Variants in ADARB2 observed in about 807,000 individuals in gnomAD.
ADARB2 encodes the protein adenosine deaminase RNA specific B2 (inactive).
Under a neutral mutation model 62.2 loss-of-function variants are expected in ADARB2, and 25 were observed. That is an observed-to-expected ratio of 0.40 (90% CI 0.29 to 0.56). ADARB2 has a LOEUF of 0.56. Among genes scored for constraint, ADARB2 ranks in the 20% least tolerant of loss-of-function variants. The pLI, the probability that ADARB2 is intolerant of heterozygous loss-of-function variation, is 0.43. For synonymous variants in ADARB2, 572 were observed against 500.8 expected (o/e 1.14, Z -1.90); for missense variants, 1,071 against 1,077.4 (o/e 0.99, Z 0.08).
intron 1 of ADARB2, among the ~76,000 whole-genome samples, chr10:1,474,487 C>T (rs946649270): frequency 1.6e-4 from 25 of 152,284 alleles, no homozygotes; most frequent in African/African-American, 6.0e-4. Context: ...GGGGATGCAT[C>T]CCAGGAGGCT....
chr10:1,261,913 C>G (rs1361962032), intron 4 of ADARB2, among the ~76,000 whole-genome samples: 1 of 148,630 alleles, frequency 6.7e-6, no homozygotes, highest in Non-Finnish European at 1.5e-5. Flanking sequence ...CAATGATAGA[C>G]TGGATTAAGA....
chr10:1,427,001 A>G (rs759303299), intron 1 of ADARB2, among the ~76,000 whole-genome samples: 3 of 152,246 alleles, frequency 2.0e-5, no homozygotes, highest in Non-Finnish European at 2.9e-5. Context: ...CACTGCAGGC[A>G]CGTGTGTACT....
chr10:1,313,697 C>T (rs1207479549), intron 3 of ADARB2, among the ~76,000 whole-genome samples: 1 of 152,150 alleles, frequency 6.6e-6, no homozygotes, highest in Non-Finnish European at 1.5e-5. Context: ...ACGACAGTGG[C>T]CCCACACACC....
chr10:1,673,303 GATTTC>G (rs1834415985), intron 1 of ADARB2, among the ~76,000 whole-genome samples: 2 of 124,336 alleles, frequency 1.6e-5, no homozygotes, highest in Non-Finnish European at 1.7e-5. Context: ...GTGATTTGTA[GATTTC>G]ATTTTATGTG....
intron 1 of ADARB2, among the ~76,000 whole-genome samples, chr10:1,444,394 T>C (rs1394788698): frequency 1.3e-5 from 2 of 148,222 alleles, no homozygotes; most frequent in African/African-American, 5.0e-5. Context: ...TCCATCTATC[T>C]ACATCCATCC....
At position 1,449,120 on chromosome 10, in the gene ADARB2, G is replaced by C. The variant is rs1293223202; in HGVS notation, c.101-69960C>G. ...CCATCCTCGGTCTTTCCATGAGTCT[G>C]GATGAGACCAGGTCCCCCTCACCCG... On this transcript the variant is annotated intron_variant, in intron 1 of 9. Coordinates refer to ENST00000381312, the MANE Select transcript of ADARB2 (RefSeq NM_018702.4). 1.2e-4 allele frequency among the ~76,000 whole-genome samples: 18 copies of C among 152,298 alleles called. No homozygotes were observed. The East Asian group carries it at 3.3e-3, about 28-fold the overall frequency.
chr10:1,612,190 G>C (rs557052220), intron 1 of ADARB2, among the ~76,000 whole-genome samples: 33 of 152,204 alleles, frequency 2.2e-4, no homozygotes, highest in Non-Finnish European at 4.6e-4. Flanking sequence ...AAGAGGCTGG[G>C]GTCCTCGTCT....
intron 1 of ADARB2, among the ~76,000 whole-genome samples, chr10:1,479,502 T>C (rs1053308508): frequency 6.6e-6 from 1 of 152,128 alleles, no homozygotes; most frequent in Non-Finnish European, 1.5e-5. Context: ...TCTCACAGCC[T>C]AGCTTTTGAT....
chr10:1,487,088 G>T (rs983886587), intron 1 of ADARB2, among the ~76,000 whole-genome samples: 1 of 152,248 alleles, frequency 6.6e-6, no homozygotes. Flanking sequence ...AGCTGCACGC[G>T]TGGGTGCCGT....
At chr10:1,515,323 T>C (rs1297997697) in intron 1 of ADARB2, among the ~76,000 whole-genome samples, 1 of 152,192 alleles carries the variant, frequency 6.6e-6, no homozygotes, top group African/African-American at 2.4e-5. Context: ...GCTGGTGCAC[T>C]GGGCCCTGAC....
In ADARB2 at chr10:1,640,564, A is replaced by T. The variant is rs1422725412; in HGVS notation, c.100+96487T>A. On this transcript the variant is annotated intron_variant, in intron 1 of 9. Coordinates refer to ENST00000381312, the MANE Select transcript of ADARB2 (RefSeq NM_018702.4). Reference sequence around the variant, plus strand: ...GGCGGATGCTCTAAACTAAACCCACAAGTTAAGCTGAACATCTTAAGCATT... The same window carrying T: ...GGCGGATGCTCTAAACTAAACCCACTAGTTAAGCTGAACATCTTAAGCATT... Among the ~76,000 whole-genome samples the T allele has an allele frequency of 2.0e-5, 3 of 152,190 alleles. No individual in the cohort carries two copies. In the East Asian group the frequency reaches 5.8e-4, roughly 29 times the overall value.
chr10:1,693,073 C>T (rs974409951), intron 1 of ADARB2, among the ~76,000 whole-genome samples: 5 of 152,156 alleles, frequency 3.3e-5, no homozygotes, highest in South Asian at 2.1e-4. Flanking sequence ...ATCACTTATA[C>T]GTGGTGGAAC....
At chr10:1,357,216 CTGAA>C (rs1469297641) in intron 3 of ADARB2, among the ~76,000 whole-genome samples, 2 of 152,206 alleles carry the variant, frequency 1.3e-5, no homozygotes, top group African/African-American at 4.8e-5. Flanking sequence ...GTGAGTGAGA[CTGAA>C]TGGCTGGTTT....
intron 3 of ADARB2, among the ~76,000 whole-genome samples, chr10:1,329,695 G>A (rs1468649235): frequency 1.3e-5 from 2 of 152,270 alleles, no homozygotes; most frequent in African/African-American, 2.4e-5. Flanking sequence ...CTGTTTATTC[G>A]ATGGTGTGGG....
chr10:1,652,900 A>G (rs1369317484), intron 1 of ADARB2, among the ~76,000 whole-genome samples: 2 of 152,126 alleles, frequency 1.3e-5, no homozygotes, highest in African/African-American at 4.8e-5. Flanking sequence ...GCGTGTGTGC[A>G]GAGTTGGGGG....
chr10:1,515,676 G>C (rs989553784), intron 1 of ADARB2, among the ~76,000 whole-genome samples: 5 of 152,166 alleles, frequency 3.3e-5, no homozygotes, highest in Admixed American at 6.5e-5. Flanking sequence ...GCTGACACCT[G>C]CCCACCCACC....
At chr10:1,722,691 G>A (rs746805842) in intron 1 of ADARB2, among the ~76,000 whole-genome samples, 14 of 152,078 alleles carry the variant, frequency 9.2e-5, no homozygotes, top group Admixed American at 2.0e-4. Context: ...CTCACCCCTC[G>A]TCTTAATTCA....
At chr10:1,369,471 CT>C (rs757400384) in intron 2 of ADARB2, among the ~76,000 whole-genome samples, 54 of 152,158 alleles carry the variant, frequency 3.5e-4, no homozygotes, top group Non-Finnish European at 6.5e-4. Flanking sequence ...AAACCCCTCA[CT>C]CTTTCTCTGT....
chr10:1,632,939 C>T (rs971090760), intron 1 of ADARB2, among the ~76,000 whole-genome samples: 5 of 152,180 alleles, frequency 3.3e-5, no homozygotes, highest in African/African-American at 1.2e-4. Context: ...AGTCAAGAAG[C>T]TCTGCCCTTG....
Sources: gnomAD v4.1 joint callset for allele counts (sites outside exome capture counted in the v4.1 genomes callset) on GRCh38, gnomAD v4.1.1 for gene constraint, MANE v1.5 for transcripts, NCBI Gene and HGNC (gene_info 2026-07-23, HGNC 2026-07-21) for gene names.